Variants in ADGRB3 observed in about 807,000 individuals in gnomAD.
The protein encoded by ADGRB3 is adhesion G protein-coupled receptor B3, also known as brain-specific angiogenesis inhibitor 3.
ADGRB3 carries 37 observed loss-of-function variants against 193.4 expected under a neutral mutation model. The ratio of observed to expected loss-of-function variants is 0.19; its 90% CI spans 0.15 to 0.25. The LOEUF is 0.25. Ranked by LOEUF, ADGRB3 falls within the 10% of genes least tolerant of loss-of-function variation. ADGRB3 has a pLI of 1.00. For synonymous variants in ADGRB3, 690 were observed against 644.2 expected, an observed-to-expected ratio of 1.07 and a Z score of -1.08; for missense variants, 1,637 against 1,852.9, an observed-to-expected ratio of 0.88 and a Z score of 2.14.
intron 3 of ADGRB3, among the ~76,000 whole-genome samples, chr6:68,825,641 G>A (rs1308797977): frequency 1.3e-5 from 2 of 152,120 alleles, no homozygotes; most frequent in Non-Finnish European, 2.9e-5. Flanking sequence ...CCAGGTGGAG[G>A]TAGTTGAATC....
intron 17 of ADGRB3, among the ~76,000 whole-genome samples, chr6:69,109,068 A>T (rs1381639696): frequency 6.6e-6 from 1 of 152,218 alleles, no homozygotes; most frequent in East Asian, 1.9e-4. Context: ...ACTGAAGGGC[A>T]TTCAATAAGA....
chr6:69,233,680 T>C (rs925885632), intron 18 of ADGRB3, among the ~76,000 whole-genome samples: 1 of 152,214 alleles, frequency 6.6e-6, no homozygotes, highest in African/African-American at 2.4e-5. Context: ...GTCACTAATA[T>C]GCTGCAAACT....
chr6:69,195,749 GAAC>G (rs1480635281), intron 17 of ADGRB3, among the ~76,000 whole-genome samples: 1 of 152,038 alleles, frequency 6.6e-6, no homozygotes, highest in East Asian at 1.9e-4. Context: ...AGGCCAGACT[GAAC>G]AAAGTCCTGG....
intron 11 of ADGRB3, among the ~76,000 whole-genome samples, chr6:68,998,875 G>C (rs1413302683): frequency 6.6e-6 from 1 of 152,092 alleles, no homozygotes; most frequent in East Asian, 1.9e-4. Context: ...CTCCCTCTAA[G>C]ATCCTATTCT....
At chr6:69,166,198 G>T (rs1470926537) in intron 17 of ADGRB3, among the ~76,000 whole-genome samples, 1 of 152,026 alleles carries the variant, frequency 6.6e-6, no homozygotes, top group Non-Finnish European at 1.5e-5. Flanking sequence ...ATACAGAAGA[G>T]GGAAGACTAC....
intron 16 of ADGRB3, among the ~76,000 whole-genome samples, chr6:69,071,951 G>C (rs773388059): frequency 5.9e-4 from 89 of 151,958 alleles, no homozygotes; most frequent in Non-Finnish European, 1.1e-3. Context: ...GTCCCTTTGA[G>C]AAAAGTAACT....
At chr6:68,813,196 T>G (rs769573046) in intron 3 of ADGRB3, among the ~76,000 whole-genome samples, 5 of 152,118 alleles carry the variant, frequency 3.3e-5, no homozygotes, top group Non-Finnish European at 7.4e-5. Flanking sequence ...TGCCTCTTCC[T>G]CATTCTCTCT....
chr6:69,270,957 ATG>A (rs1403256096), intron 20 of ADGRB3, among the ~76,000 whole-genome samples: 1 of 152,174 alleles, frequency 6.6e-6, no homozygotes, highest in Non-Finnish European at 1.5e-5. Flanking sequence ...TAGTATGACA[ATG>A]TGCTTTTCAT....
At chr6:68,771,890 A>C (rs552548335) in intron 3 of ADGRB3, among the ~76,000 whole-genome samples, 3 of 152,110 alleles carry the variant, frequency 2.0e-5, no homozygotes, top group African/African-American at 7.2e-5. Flanking sequence ...TCCAGGTTCA[A>C]TTGCAATCAG....
At chr6:69,077,533 A>G (rs1286038842) in intron 17 of ADGRB3, among the ~76,000 whole-genome samples, 2 of 151,952 alleles carry the variant, frequency 1.3e-5, no homozygotes, top group African/African-American at 2.4e-5. Flanking sequence ...CCTTAAGACT[A>G]TTAAAGGGAC....
chr6:69,032,456 A>G (rs1297661366), intron 13 of ADGRB3, among the ~76,000 whole-genome samples: 2 of 152,244 alleles, frequency 1.3e-5, no homozygotes, highest in East Asian at 1.9e-4. Flanking sequence ...GTAAATATAA[A>G]AAACAATCCC....
At chr6:68,730,895 G>A (rs1017171011) in intron 3 of ADGRB3, among the ~76,000 whole-genome samples, 4 of 151,630 alleles carry the variant, frequency 2.6e-5, no homozygotes, top group African/African-American at 9.7e-5. Context: ...AAAGTGCGCT[G>A]CTCTCTAGCA....
At chr6:68,998,351 C>T (rs544019513) in intron 11 of ADGRB3, among the ~76,000 whole-genome samples, 1 of 151,984 alleles carries the variant, frequency 6.6e-6, no homozygotes, top group African/African-American at 2.4e-5. Flanking sequence ...TTTCTTAAAC[C>T]AAAAAAGTGT....
intron 15 of ADGRB3, among the ~76,000 whole-genome samples, chr6:69,054,473 G>A (rs1771488981): frequency 6.6e-6 from 1 of 152,142 alleles, no homozygotes; most frequent in African/African-American, 2.4e-5. Flanking sequence ...CTTAGGTTTA[G>A]GACCTAAACT....
At chr6:68,736,460 G>C (rs1296868791) in intron 3 of ADGRB3, among the ~76,000 whole-genome samples, 1 of 152,120 alleles carries the variant, frequency 6.6e-6, no homozygotes, top group Non-Finnish European at 1.5e-5. Flanking sequence ...TTTTCCCACA[G>C]TGTGAGTGTC....
intron 3 of ADGRB3, among the ~76,000 whole-genome samples, chr6:68,891,298 G>A (rs1209229121): frequency 6.6e-6 from 1 of 151,994 alleles, no homozygotes; most frequent in African/African-American, 2.4e-5. Flanking sequence ...GGTTTGGGTG[G>A]GGACACAGAG....
intron 17 of ADGRB3, among the ~76,000 whole-genome samples, chr6:69,185,855 T>C (rs1352555400): frequency 1.3e-5 from 2 of 152,216 alleles, no homozygotes; most frequent in Non-Finnish European, 2.9e-5. Flanking sequence ...ATCTGGTATC[T>C]AATTCATTTT....
At chr6:68,753,062 C>T (rs1333876262) in intron 3 of ADGRB3, among the ~76,000 whole-genome samples, 1 of 152,074 alleles carries the variant, frequency 6.6e-6, no homozygotes, top group Non-Finnish European at 1.5e-5. Flanking sequence ...ATATAGGACA[C>T]CACATCATCA....
intron 19 of ADGRB3, among the ~76,000 whole-genome samples, chr6:69,237,076 G>T (rs1453003934): frequency 6.6e-6 from 1 of 151,906 alleles, no homozygotes; most frequent in African/African-American, 2.4e-5. Flanking sequence ...GTTTATAAGC[G>T]CCTACAGAAA....
Sources: gnomAD v4.1 joint callset for allele counts (sites outside exome capture counted in the v4.1 genomes callset) on GRCh38, gnomAD v4.1.1 for gene constraint, MANE v1.5 for transcripts, NCBI Gene and HGNC (gene_info 2026-07-23, HGNC 2026-07-21) for gene names.